Variants in SUZ12 observed in about 807,000 individuals in gnomAD.
SUZ12 encodes the protein SUZ12 polycomb repressive complex 2 subunit.
In SUZ12, 17 loss-of-function variants were observed where a neutral mutation model predicts 87.3. The observed-to-expected ratio is 0.19, with a 90% confidence interval of 0.13 to 0.29. The LOEUF (loss-of-function observed/expected upper bound fraction) is 0.29. SUZ12 is among the 10% of genes least tolerant of loss of function. The pLI is 1.00. For missense variants in SUZ12, 526 were observed against 912.2 expected, an observed-to-expected ratio of 0.58 and a Z score of 5.45; for synonymous variants, 253 against 312.4, an observed-to-expected ratio of 0.81 and a Z score of 2.01.
chr17:31,946,186 A>G (rs771547976), intron 3 of SUZ12, among the ~76,000 whole-genome samples: 12 of 152,188 alleles, frequency 7.9e-5, no homozygotes, highest in Non-Finnish European at 1.3e-4. Flanking sequence ...AGTTTACTAT[A>G]TTTACATTAA....
At chr17:31,995,824 T>A in intron 14 of SUZ12, 62 bp downstream of exon 14, 2 of 1,233,338 alleles carry the variant, frequency 1.6e-6, no homozygotes, top group South Asian at 1.4e-5. Flanking sequence ...GAAAATTGCT[T>A]ACTATGAACT....
chr17:31,938,751 TAAAAC>T (rs1906094260), intron 1 of SUZ12, among the ~76,000 whole-genome samples: 1 of 152,182 alleles, frequency 6.6e-6, no homozygotes, highest in Non-Finnish European at 1.5e-5. Context: ...TAATTTAAAA[TAAAAC>T]CAATTGAAGA....
In SUZ12 at chr17:31,996,846, A is replaced by G; in HGVS notation, c.1843A>G (p.Lys615Glu). The change falls in exon 15 of 16, where the codon AAA (lysine) becomes GAA (glutamate). Residue 615 changes from lysine to glutamate, a missense_variant. By Grantham distance (56) the Lys-to-Glu change is moderately conservative (BLOSUM62 1). Transcript: ENST00000322652. ...DVNEGEKEVM[K>E]LWNLHVMKHG... ...TAATGAAGGAGAGAAAGAAGTGATGAAACTCTGGAATCTCCATGTCATGAA... is the reference window on the plus strand; with the variant it reads ...TAATGAAGGAGAGAAAGAAGTGATGGAACTCTGGAATCTCCATGTCATGAA... The G allele has an allele frequency of 6.5e-7, 1 of 1,545,112 alleles. No individual in the cohort carries two copies. Among genetic ancestry groups the G allele is most frequent in the Non-Finnish European group, 8.6e-7 (1 of 1,156,438 alleles).
chr17:31,989,598 T>G (rs1379232452), intron 10 of SUZ12, among the ~76,000 whole-genome samples: 1 of 151,964 alleles, frequency 6.6e-6, no homozygotes, highest in Non-Finnish European at 1.5e-5. Flanking sequence ...TTTTTGTTTT[T>G]TTTGTTTTTT....
chr17:31,962,473 T>G (rs1179348304), intron 4 of SUZ12, among the ~76,000 whole-genome samples: 1 of 151,962 alleles, frequency 6.6e-6, no homozygotes, highest in African/African-American at 2.4e-5. Context: ...GCCTATAGTC[T>G]CAGCTACTCT....
chr17:31,988,325 G>C lies in SUZ12; in HGVS notation c.1029G>C (p.Leu343=). 1 of 1,551,680 alleles carries C rather than the reference G, an allele frequency of 6.4e-7. No individual in the cohort carries two copies. The highest frequency in any genetic ancestry group is 8.7e-7 in the Non-Finnish European group (1 of 1,154,178). ...GCATGTTTTTTATTTTTTAGAGGCT[G>C]CCTCCATTCGAAACATTTTCTCAGG... The part of the protein sequence containing the change: ...TWETILDGKR[L]PPFETFSQGP... Residue 343 remains leucine (L), a synonymous_variant, in exon 10 of 16, where the codon CTG becomes CTC. Coordinates refer to ENST00000322652, the MANE Select transcript of SUZ12 (RefSeq NM_015355.4).
intron 6 of SUZ12, among the ~76,000 whole-genome samples, chr17:31,974,459 G>A (rs998949931): frequency 2.0e-5 from 3 of 152,090 alleles, no homozygotes; most frequent in Admixed American, 6.6e-5. Flanking sequence ...CCCGGGAGGC[G>A]GAGCTTGCAG....
Position 31,937,530 on chromosome 17 carries a change from T to C in SUZ12, c.274+10T>C, listed in dbSNP as rs1446086996. On this transcript the variant is annotated intron_variant, in intron 1 of 15. Transcript: ENST00000322652. ...CTCCAGGCCTTTGAGAGTGAGTGTG[T>C]GCGAGGCTTTGAGGGCAGGAAGACC... 1 of 1,535,738 alleles carries C rather than the reference T, an allele frequency of 6.5e-7. No homozygotes were observed. The highest frequency in any genetic ancestry group is 2.5e-5 in the East Asian group (1 of 40,474).
At chr17:31,964,369 G>A (rs1383285774) in intron 4 of SUZ12, among the ~76,000 whole-genome samples, 13 of 148,248 alleles carry the variant, frequency 8.8e-5, no homozygotes, top group Admixed American at 8.0e-4. Context: ...CATACTTTCT[G>A]TACTACTGTT....
At chr17:31,986,149 C>G (rs1043895219) in intron 9 of SUZ12, among the ~76,000 whole-genome samples, 1 of 152,118 alleles carries the variant, frequency 6.6e-6, no homozygotes, top group Non-Finnish European at 1.5e-5. Context: ...ACCATGTTGT[C>G]TTGGCTGGTC....
chr17:31,993,807 C>T (rs536302561), intron 11 of SUZ12, 58 bp from the exon 12 acceptor site: 5 of 1,502,772 alleles, frequency 3.3e-6, no homozygotes, highest in South Asian at 2.5e-5. Flanking sequence ...GATATTTAAA[C>T]AAAATATCTT....
intron 8 of SUZ12, among the ~76,000 whole-genome samples, chr17:31,976,966 A>G (rs1249196999): frequency 2.6e-5 from 4 of 152,212 alleles, no homozygotes; most frequent in African/African-American, 9.6e-5. Context: ...AAAATCAACT[A>G]ATGTCACTTA....
At chr17:31,962,778 A>G (rs1169043506) in intron 4 of SUZ12, among the ~76,000 whole-genome samples, 1 of 152,274 alleles carries the variant, frequency 6.6e-6, no homozygotes, top group Non-Finnish European at 1.5e-5. Context: ...TTCAGCAGTT[A>G]GACAAAAGAT....
intron 8 of SUZ12, among the ~76,000 whole-genome samples, chr17:31,982,384 G>T (rs1239929845): frequency 3.3e-5 from 5 of 152,182 alleles, no homozygotes; most frequent in Non-Finnish European, 7.3e-5. Context: ...AGCCTGGGCT[G>T]GGCGCGGTGG....
At chr17:31,994,823 T>A in intron 13 of SUZ12, 102 bp downstream of exon 13, 1 of 1,317,240 alleles carries the variant, frequency 7.6e-7, no homozygotes, top group East Asian at 2.4e-5. Flanking sequence ...AGGTGGAAAT[T>A]ATTATTTTTC....
intron 5 of SUZ12, among the ~76,000 whole-genome samples, chr17:31,970,124 T>A (rs748430113): frequency 1.3e-5 from 2 of 152,194 alleles, no homozygotes; most frequent in Non-Finnish European, 2.9e-5. Flanking sequence ...AATTACTACT[T>A]GAAACTGCTT....
At chr17:31,938,710 C>T (rs765164879) in intron 1 of SUZ12, among the ~76,000 whole-genome samples, 6 of 152,136 alleles carry the variant, frequency 3.9e-5, no homozygotes, top group Admixed American at 3.9e-4. Flanking sequence ...CTTGTTTGTA[C>T]CCCTTCTAAA....
At chr17:31,989,855 C>T (rs1205593603) in intron 10 of SUZ12, among the ~76,000 whole-genome samples, 4 of 151,304 alleles carry the variant, frequency 2.6e-5, no homozygotes, top group East Asian at 3.9e-4. Context: ...GTGATCCGCC[C>T]GCCTTGGCCT....
rs58491591 is a variant in SUZ12, at chr17:31,980,429, C to CTTTTTTTTT, written c.918-2541_918-2533dup. Among the ~76,000 whole-genome samples, 103 of 53,832 alleles carry CTTTTTTTTT rather than the reference C, an allele frequency of 1.9e-3. 24 individuals carry two copies. The highest frequency in any genetic ancestry group is 6.8e-3 in the East Asian group (5 of 732). 35.3% of individuals were successfully genotyped at this position (53,832 alleles called of 152,430 possible). A position where few individuals can be genotyped will look rare whatever the true frequency, so the allele number is the denominator to read the frequency against. On this transcript the variant is annotated intron_variant, in intron 8 of 15. Transcript: ENST00000322652. Reference sequence around the variant, plus strand: ...TAAGATATACCAGAATCACCTTCTCCTTTTTTTTTTTTTTTTTTTTTTTTT... The same window carrying CTTTTTTTTT: ...TAAGATATACCAGAATCACCTTCTCCTTTTTTTTTTTTTTTTTTTTTTTTTTTTTTTTTT...
Sources: allele counts gnomAD v4.1 joint callset (sites outside exome capture counted in the v4.1 genomes callset), GRCh38; gene constraint gnomAD v4.1.1; transcripts MANE v1.5; gene names NCBI Gene and HGNC (gene_info 2026-07-23, HGNC 2026-07-21).